The following C6orf15 variants were observed in gnomAD, a reference collection of about 807,000 sequenced individuals.
C6orf15 encodes the protein uncharacterized protein C6orf15.
A neutral mutation model predicts 2.8 loss-of-function variants in C6orf15; 5 were observed. The observed-to-expected ratio is 1.80, with a 90% CI of 0.94 to 3.78. C6orf15 has a LOEUF of 3.78. Ranked by LOEUF, C6orf15 falls within the 30% of genes most tolerant of loss-of-function variation. The probability of loss-of-function intolerance (pLI) is 0.00; values close to 1 mark genes in which losing one functional copy is unlikely to be tolerated. For synonymous variants in C6orf15, 145 were observed against 163.2 expected (o/e 0.89, Z 0.85); for missense variants, 363 against 418.8 (o/e 0.87, Z 1.16).
At chr6:31,112,405 C>G (rs1449144610) in intron 1 of C6orf15, 84 bp downstream of exon 1, 2 of 1,449,230 alleles carry the variant, frequency 1.4e-6, no homozygotes, top group East Asian at 2.4e-5. Context: ...AATGTGTACC[C>G]TCCTGCCTTT....
chr6:31,111,528 C>T lies in C6orf15; in HGVS notation c.831G>A (p.Arg277=), dbSNP rs1231527735. ...YPGGSWGNIN[R]YPGGSWGNIH... is the part of the protein sequence containing the mutation. ...TATTCCCCCAGCTGCCTCCTGGATA[C>T]CGATTAATATTCCCCCAGCTGCCTC... The change falls in exon 2 of 2, where the codon CGG becomes CGA. Residue 277 remains arginine, a synonymous_variant. Transcript: ENST00000259870. The T allele has an allele frequency of 6.2e-7, 1 of 1,601,918 alleles. No individual in the cohort carries two copies. Among genetic ancestry groups the T allele is most frequent in the South Asian group, 1.1e-5 (1 of 90,328 alleles).
Position 31,111,945 on chromosome 6 carries a change from G to T in C6orf15, c.414C>A (p.Leu138=), listed in dbSNP as rs1771807436. The T allele has an allele frequency of 6.2e-7, 1 of 1,612,940 alleles. No homozygotes were observed. Among genetic ancestry groups the T allele is most frequent in the Non-Finnish European group, 8.5e-7 (1 of 1,179,978 alleles). ...CCGGAGCGAGGGCCGCAGCACTGGAGAGGTAAGAGAGTTCTTCAGGCAGCG... is the reference window on the plus strand; with the variant it reads ...CCGGAGCGAGGGCCGCAGCACTGGATAGGTAAGAGAGTTCTTCAGGCAGCG... ...GEALPEELSY[L]SSAAALAPGS... Residue 138 remains leucine, a synonymous_variant, in exon 2 of 2, where the codon CTC becomes CTA. Transcript: ENST00000259870.
In C6orf15 at chr6:31,112,324, T is replaced by A. The variant is rs571279975; in HGVS notation, c.68-33A>T. On this transcript the variant is annotated intron_variant, in intron 1 of 1. Transcript: ENST00000259870. ...AAAGGGAAGATAAAGCAACCAGTGG[T>A]CTCCAGTCCCCGAGTCCCCAGTTCC... 6.3e-6 allele frequency: 10 copies of A among 1,576,936 alleles called. No individual in the cohort carries two copies. In the South Asian group the frequency reaches 9.4e-5, roughly 15 times the overall value.
Position 31,112,479 on chromosome 6 carries a change from G to A in C6orf15, c.67+10C>T. Reference sequence around the variant, plus strand: ...GTCCCTCCTGCCCAAGGGCATCACGGCCTCCATACCTGGGAGATGAAGACA... The same window carrying A: ...GTCCCTCCTGCCCAAGGGCATCACGACCTCCATACCTGGGAGATGAAGACA... On this transcript the variant is annotated intron_variant, in intron 1 of 1. Transcript: ENST00000259870. 1 of 1,547,932 alleles carries A rather than the reference G, an allele frequency of 6.5e-7. No homozygotes were observed. Among genetic ancestry groups the A allele is most frequent in the Non-Finnish European group, 8.7e-7 (1 of 1,144,768 alleles).
At position 31,111,334 on chromosome 6, in the gene C6orf15, G is replaced by A. The variant is rs369723798; in HGVS notation, c.*47C>T. ...GGATTGAGCCCACACAGCAAGGGGC[G>A]GGAGCAGGACTCTAACTCCCAATGT... is the stretch of plus-strand genomic sequence containing the variant. On this transcript the variant is annotated 3_prime_UTR_variant, in exon 2 of 2. Coordinates refer to ENST00000259870, the MANE Select transcript of C6orf15 (RefSeq NM_014070.3). The A allele has an allele frequency of 4.0e-5, 59 of 1,491,560 alleles. No homozygotes were observed. Among genetic ancestry groups the A allele is most frequent in the African/African-American group, 2.8e-4 (20 of 72,146 alleles). 92.4% of individuals were successfully genotyped at this position (1,491,560 alleles called of 1,614,324 possible).
At position 31,111,328 on chromosome 6, in the gene C6orf15, A is replaced by C; in HGVS notation, c.*53T>G. ...GGGCCTGGATTGAGCCCACACAGCAAGGGGCGGGAGCAGGACTCTAACTCC... is the reference window on the plus strand; with the variant it reads ...GGGCCTGGATTGAGCCCACACAGCACGGGGCGGGAGCAGGACTCTAACTCC... On this transcript the variant is annotated 3_prime_UTR_variant, in exon 2 of 2. Coordinates refer to ENST00000259870, the MANE Select transcript of C6orf15 (RefSeq NM_014070.3). 1 of 1,467,404 alleles carries C rather than the reference A, an allele frequency of 6.8e-7. No homozygotes were observed. The highest frequency in any genetic ancestry group is 1.4e-5 in the African/African-American group (1 of 71,486). The allele number at this position is 1,467,404 out of a possible 1,614,324, so 90.9% of individuals were successfully genotyped here.
chr6:31,112,383 C>T, intron 1 of C6orf15, 92 bp from the exon 2 acceptor site: 1 of 1,467,158 alleles, frequency 6.8e-7, no homozygotes, highest in Non-Finnish European at 9.3e-7. Flanking sequence ...TTCCTTTTCC[C>T]TCAGGGACCT....
chr6:31,112,259 C>T lies in C6orf15; in HGVS notation c.100G>A (p.Glu34Lys). ...LFARSIGVVEEKVSQNLGTNL... is the reference protein window; with the variant it reads ...LFARSIGVVEKKVSQNLGTNL... The stretch of plus-strand genomic sequence containing the variant: ...GTCCCCAAGTTTTGGGAAACTTTCT[C>T]CTCCACAACACCGATGCTCCGGGCA... The change falls in exon 2 of 2, where the codon GAG becomes AAG. Residue 34 changes from glutamate to lysine, a missense_variant. By Grantham distance (56) the Glu-to-Lys change is moderately conservative. Coordinates refer to ENST00000259870, the MANE Select transcript of C6orf15 (RefSeq NM_014070.3). The T allele has an allele frequency of 1.9e-6, 3 of 1,613,592 alleles. No individual in the cohort carries two copies. The highest frequency in any genetic ancestry group is 2.5e-6 in the Non-Finnish European group (3 of 1,179,714).
rs1771817195 is a variant in C6orf15 at position 31,112,095 on chromosome 6, T to C, written c.264A>G (p.Pro88=). The part of the protein sequence containing the change: ...KLSVPASDGF[P]PAGGSAVQRW... Reference sequence around the variant, plus strand: ...TCTGCACTGCAGAACCTCCTGCAGGTGGGAAGCCATCTGATGCAGGCACGC... The same window carrying C: ...TCTGCACTGCAGAACCTCCTGCAGGCGGGAAGCCATCTGATGCAGGCACGC... Residue 88 remains proline, a synonymous_variant, in exon 2 of 2, where the codon CCA becomes CCG. Coordinates refer to ENST00000259870, the MANE Select transcript of C6orf15 (RefSeq NM_014070.3). 6.2e-7 allele frequency: 1 copy of C among 1,613,904 alleles called. No homozygotes were observed. Among genetic ancestry groups the C allele is most frequent in the Non-Finnish European group, 8.5e-7 (1 of 1,179,932 alleles).
chr6:31,111,931 G>C lies in C6orf15; in HGVS notation c.428C>G (p.Ala143Gly), dbSNP rs1771805797. ...EELSYLSSAAALAPGSGPLPG... is the reference protein window; with the variant it reads ...EELSYLSSAAGLAPGSGPLPG... ...CAAAGGGCCACTGCCCGGAGCGAGG[G>C]CCGCAGCACTGGAGAGGTAAGAGAG... The change falls in exon 2 of 2, where the codon GCC (alanine) becomes GGC (glycine). Residue 143 changes from alanine (A) to glycine (G), a missense_variant. Coordinates refer to ENST00000259870, the MANE Select transcript of C6orf15 (RefSeq NM_014070.3). The C allele has an allele frequency of 6.2e-7, 1 of 1,612,884 alleles. No homozygotes were observed. The highest frequency in any genetic ancestry group is 1.3e-5 in the African/African-American group (1 of 74,912).
At position 31,112,206 on chromosome 6, in the gene C6orf15, G is replaced by A; in HGVS notation, c.153C>T (p.Ser51=). The A allele has an allele frequency of 6.2e-7, 1 of 1,614,158 alleles. No individual in the cohort carries two copies. Among genetic ancestry groups the A allele is most frequent in the Non-Finnish European group, 8.5e-7 (1 of 1,180,012 alleles). ...GTTCAGAGTTAGAGGGGCCAGTGGA[G>A]GAAGGTTGTCCGAGCTGAGGCAAGT... The part of the protein sequence containing the change: ...GTNLPQLGQP[S]STGPSNSEHP... Residue 51 remains serine (S), a synonymous_variant, in exon 2 of 2, where the codon TCC becomes TCT. Transcript: ENST00000259870.
Position 31,112,290 on chromosome 6 carries a change from G to T in C6orf15, c.69C>A (p.Gly23=), listed in dbSNP as rs752218515. ...GLLLVCLHLP[G]LFARSIGVVE... is the part of the protein sequence containing the mutation. Reference sequence around the variant, plus strand: ...CAACACCGATGCTCCGGGCAAAGAGGCCTGAGGGAAAGGGAAGATAAAGCA... The same window carrying T: ...CAACACCGATGCTCCGGGCAAAGAGTCCTGAGGGAAAGGGAAGATAAAGCA... Residue 23 remains glycine (G), a splice_region_variant and synonymous_variant, in exon 2 of 2, where the codon GGC becomes GGA. Transcript: ENST00000259870. 2 of 1,606,008 alleles carry T rather than the reference G, an allele frequency of 1.2e-6. No individual in the cohort carries two copies. Among genetic ancestry groups the T allele is most frequent in the South Asian group, 1.1e-5 (1 of 89,928 alleles).
Position 31,112,085 on chromosome 6 carries a change from C to T in C6orf15, c.274G>A (p.Gly92Ser). 1 of 1,614,050 alleles carries T rather than the reference C, an allele frequency of 6.2e-7. No individual in the cohort carries two copies. Among genetic ancestry groups the T allele is most frequent in the Non-Finnish European group, 8.5e-7 (1 of 1,179,924 alleles). ...GGAGGCCACCTCTGCACTGCAGAAC[C>T]TCCTGCAGGTGGGAAGCCATCTGAT... ...PASDGFPPAG[G>S]SAVQRWPPSW... The change falls in exon 2 of 2, where the codon GGT becomes AGT. Residue 92 changes from glycine (G) to serine (S), a missense_variant. Transcript: ENST00000259870.
chr6:31,112,239 C>G lies in C6orf15; in HGVS notation c.120G>C (p.Leu40Phe), dbSNP rs2233974. ...GTCCGAGCTGAGGCAAGTTGGTCCC[C>G]AAGTTTTGGGAAACTTTCTCCTCCA... is the stretch of plus-strand genomic sequence containing the variant. Reference protein sequence around the residue: ...GVVEEKVSQNLGTNLPQLGQP... With the variant: ...GVVEEKVSQNFGTNLPQLGQP... The change falls in exon 2 of 2, where the codon TTG (leucine) becomes TTC (phenylalanine). Residue 40 changes from leucine to phenylalanine, a missense_variant. Leu to Phe is a conservative substitution (Grantham distance 22). Coordinates refer to ENST00000259870, the MANE Select transcript of C6orf15 (RefSeq NM_014070.3). The G allele has an allele frequency of 0.17, 277,353 of 1,613,702 alleles. 25,956 individuals are homozygous for G. Among genetic ancestry groups the G allele is most frequent in the Non-Finnish European group, 0.19 (224,064 of 1,179,814 alleles).
Position 31,111,926 on chromosome 6 carries a change from C to G in C6orf15, c.433G>C (p.Ala145Pro), listed in dbSNP as rs2233978. 0.11 allele frequency: 177,280 copies of G among 1,612,880 alleles called. 13,955 individuals carry two copies. Among genetic ancestry groups the G allele is most frequent in the East Asian group, 0.39 (17,440 of 44,848 alleles). ...CCAGGCAAAGGGCCACTGCCCGGAG[C>G]GAGGGCCGCAGCACTGGAGAGGTAA... is the stretch of plus-strand genomic sequence containing the variant. ...LSYLSSAAAL[A>P]PGSGPLPGES... The change falls in exon 2 of 2, where the codon GCT becomes CCT. Residue 145 changes from alanine (A) to proline (P), a missense_variant. Physicochemically the swap from Ala to Pro is conservative, Grantham distance 27. Coordinates refer to ENST00000259870, the MANE Select transcript of C6orf15 (RefSeq NM_014070.3).
In C6orf15 at chr6:31,111,783, G is replaced by A. The variant is rs1272519694; in HGVS notation, c.576C>T (p.Ser192=). 1.2e-6 allele frequency: 2 copies of A among 1,612,786 alleles called. No individual in the cohort carries two copies. The highest frequency in any genetic ancestry group is 1.7e-6 in the Non-Finnish European group (2 of 1,179,952). The change falls in exon 2 of 2, where the codon TCC becomes TCT. Residue 192 remains serine (S), a synonymous_variant. Coordinates refer to ENST00000259870, the MANE Select transcript of C6orf15 (RefSeq NM_014070.3). The part of the protein sequence containing the change: ...NSLGAGGKIL[S]QRPPWSLIHR... ...GGATGAGAGACCAGGGAGGGCGTTG[G>A]GAAAGGATTTTTCCCCCGGCTCCCA...
In C6orf15 at chr6:31,111,492, G is replaced by A. The variant is rs762819372; in HGVS notation, c.867C>T (p.Tyr289=). The A allele has an allele frequency of 1.2e-6, 2 of 1,612,732 alleles. No homozygotes were observed. The highest frequency in any genetic ancestry group is 1.3e-5 in the African/African-American group (1 of 74,850). Residue 289 remains tyrosine (Y), a synonymous_variant, in exon 2 of 2, where the codon TAC becomes TAT. Transcript: ENST00000259870. ...PGGSWGNIHL[Y]PGINNPFPPG... is the part of the protein sequence containing the mutation. ...GAGGAAATGGGTTATTGATACCTGGGTATAGATGAATATTCCCCCAGCTGC... is the reference window on the plus strand; with the variant it reads ...GAGGAAATGGGTTATTGATACCTGGATATAGATGAATATTCCCCCAGCTGC...
chr6:31,112,429 A>G, intron 1 of C6orf15, 60 bp downstream of exon 1: 1 of 1,472,444 alleles, frequency 6.8e-7, no homozygotes, highest in Non-Finnish European at 9.2e-7. Flanking sequence ...CCTTTCCTTA[A>G]TTCCTGTTTC....
chr6:31,112,328 CAGTCCCCG>C, intron 1 of C6orf15, 37 bp from the exon 2 acceptor site: 15 of 1,572,102 alleles, frequency 9.5e-6, no homozygotes, highest in Non-Finnish European at 1.2e-5. Context: ...CAGTGGTCTC[CAGTCCCCG>C]AGTCCCCAGT....
Sources: gnomAD v4.1 joint callset for allele counts on GRCh38, gnomAD v4.1.1 for gene constraint, MANE v1.5 for transcripts, NCBI Gene and HGNC (gene_info 2026-07-23, HGNC 2026-07-21) for gene names.